Variants in BICRAL observed in about 807,000 individuals in gnomAD.
BICRAL encodes BRD4-interacting chromatin-remodeling complex-associated protein-like.
A neutral mutation model predicts 91.8 loss-of-function variants in BICRAL; 8 were observed. That is an observed-to-expected ratio of 0.09 (90% CI 0.05 to 0.16). The LOEUF (loss-of-function observed/expected upper bound fraction) is 0.16. Ranked by LOEUF, BICRAL falls within the 10% of genes least tolerant of loss-of-function variation. The probability of loss-of-function intolerance (pLI) is 1.00; values close to 1 mark genes in which losing one functional copy is unlikely to be tolerated. For synonymous variants in BICRAL, 445 were observed against 491.1 expected (o/e 0.91, Z 1.24); for missense variants, 1,038 against 1,310.9 (o/e 0.79, Z 3.21).
Position 42,852,383 on chromosome 6 carries a change from C to T in BICRAL, c.1945+186C>T, listed in dbSNP as rs533654068. The T allele has an allele frequency of 1.0e-3, 692 of 686,366 alleles. 1 individual carries two copies. In the African/African-American group the frequency reaches 0.01, roughly 10 times the overall value. The allele number at this position is 686,366 out of a possible 1,614,324, so 42.5% of individuals were successfully genotyped here. On this transcript the variant is annotated intron_variant, in intron 7 of 12. Coordinates refer to ENST00000314073, the MANE Select transcript of BICRAL (RefSeq NM_001393499.1). ...CATCAACTCTAAGATAGCATTGGGCCGGGCACGGTGGCTCACGCCTGTAAT... is the reference window on the plus strand; with the variant it reads ...CATCAACTCTAAGATAGCATTGGGCTGGGCACGGTGGCTCACGCCTGTAAT...
chr6:42,863,049 CTTT>C (rs34653827), intron 12 of BICRAL, among the ~76,000 whole-genome samples: 4 of 130,666 alleles, frequency 3.1e-5, no homozygotes, highest in Admixed American at 7.9e-5. Context: ...ATGGACATTT[CTTT>C]TTTTTTTTTT....
At chr6:42,851,045 C>T (rs773674678) in intron 6 of BICRAL, among the ~76,000 whole-genome samples, 11 of 151,252 alleles carry the variant, frequency 7.3e-5, no homozygotes, top group East Asian at 3.9e-4. Context: ...ATTAGCCGGA[C>T]GTGGTGGCAT....
At chr6:42,750,889 TTTTTTTTTTTTTTTTTTTTA>T (rs1377604434) in intron 1 of BICRAL, among the ~76,000 whole-genome samples, 2 of 66,278 alleles carry the variant, frequency 3.0e-5, no homozygotes, top group Admixed American at 2.0e-4. Flanking sequence ...TTTTTTTTTT[TTTTTTTTTTTTTTTTTTTTA>T]ATACTTTAAG....
At position 42,867,946 on chromosome 6, in the gene BICRAL, T is replaced by G. The variant is rs544495855; in HGVS notation, c.*2500T>G. On this transcript the variant is annotated 3_prime_UTR_variant, in exon 13 of 13. Coordinates refer to ENST00000314073, the MANE Select transcript of BICRAL (RefSeq NM_001393499.1). ...CTACGCACATGGGTCATAACTCGCATGTCGAGCCCCCTCTAGTGAAGGGTA... is the reference window on the plus strand; with the variant it reads ...CTACGCACATGGGTCATAACTCGCAGGTCGAGCCCCCTCTAGTGAAGGGTA... 6.6e-6 allele frequency: 1 copy of G among 152,624 alleles called. No homozygotes were observed. Among genetic ancestry groups the G allele is most frequent in the Non-Finnish European group, 1.5e-5 (1 of 68,034 alleles). 9.5% of individuals were successfully genotyped at this position (152,624 alleles called of 1,614,324 possible).
chr6:42,755,555 T>C (rs1482372503), intron 1 of BICRAL, among the ~76,000 whole-genome samples: 1 of 152,132 alleles, frequency 6.6e-6, no homozygotes, highest in South Asian at 2.1e-4. Context: ...TTCTAACTTA[T>C]CTGTGAAGAC....
chr6:42,855,817 C>A, intron 8 of BICRAL, 39 bp from the exon 9 acceptor site: 2 of 1,511,438 alleles, frequency 1.3e-6, no homozygotes, highest in Non-Finnish European at 9.2e-7. Flanking sequence ...ATTCTTTTTT[C>A]TATAAAAGGG....
At chr6:42,830,278 A>G in intron 6 of BICRAL, 106 bp downstream of exon 6, 1 of 1,258,506 alleles carries the variant, frequency 7.9e-7, no homozygotes, top group Non-Finnish European at 1.1e-6. Flanking sequence ...TTTCTTAAAA[A>G]TTTTAGGCCA....
intron 1 of BICRAL, among the ~76,000 whole-genome samples, chr6:42,807,437 C>T (rs960109971): frequency 2.0e-5 from 3 of 152,008 alleles, no homozygotes; most frequent in Non-Finnish European, 2.9e-5. Context: ...TCCGTCTCAG[C>T]CTCCCAAAGT....
chr6:42,792,177 TAATAAACACC>T (rs1562463884), intron 1 of BICRAL, among the ~76,000 whole-genome samples: 3 of 152,170 alleles, frequency 2.0e-5, no homozygotes, highest in African/African-American at 7.2e-5. Context: ...ACTGTGAACT[TAATAAACACC>T]ATACACTTAG....
intron 6 of BICRAL, among the ~76,000 whole-genome samples, chr6:42,837,299 C>CA (rs1194999756): frequency 6.6e-6 from 1 of 151,892 alleles, no homozygotes; most frequent in Non-Finnish European, 1.5e-5. Flanking sequence ...GTAACAAACA[C>CA]AAAAATATAA....
intron 7 of BICRAL, 104 bp downstream of exon 7, chr6:42,852,301 T>G: frequency 1.4e-6 from 1 of 738,184 alleles, no homozygotes. Flanking sequence ...TAATCTCGTC[T>G]CCACTCCGAT....
At chr6:42,782,725 G>T (rs1027232201) in intron 1 of BICRAL, among the ~76,000 whole-genome samples, 2 of 151,730 alleles carry the variant, frequency 1.3e-5, no homozygotes, top group African/African-American at 2.4e-5. Context: ...GAGTGTGAGT[G>T]TGTTTTCCGC....
At chr6:42,772,770 A>G (rs1762755952) in intron 1 of BICRAL, among the ~76,000 whole-genome samples, 1 of 152,142 alleles carries the variant, frequency 6.6e-6, no homozygotes, top group South Asian at 2.1e-4. Context: ...GAGGCCAAGC[A>G]ATAGGCGGAC....
At chr6:42,814,054 C>A (rs1582838577) in intron 2 of BICRAL, among the ~76,000 whole-genome samples, 2 of 151,948 alleles carry the variant, frequency 1.3e-5, no homozygotes, top group South Asian at 4.1e-4. Flanking sequence ...TTGAAGACTG[C>A]AACTATTCCG....
At chr6:42,746,642 G>A (rs1338310690), upstream of BICRAL, among the ~76,000 whole-genome samples, 1 of 151,736 alleles carries the variant, frequency 6.6e-6, no homozygotes, top group East Asian at 2.0e-4. Context: ...GCATGCCTCC[G>A]GTTTTTTCTT....
In BICRAL at chr6:42,829,913, C is replaced by G; in HGVS notation, c.1580C>G (p.Thr527Ser). ...SVSQGRPGFA[T>S]MPSVTSMSGP... ...TCCCAAGGAAGACCTGGCTTCGCCA[C>G]CATGCCATCGGTGACAAGCATGTCA... is the stretch of plus-strand genomic sequence containing the variant. The change falls in exon 6 of 13, where the codon ACC becomes AGC. Residue 527 changes from threonine to serine, a missense_variant. Physicochemically the swap from Thr to Ser is moderately conservative, Grantham distance 58 (BLOSUM62 1). Coordinates refer to ENST00000314073, the MANE Select transcript of BICRAL (RefSeq NM_001393499.1). The G allele has an allele frequency of 6.2e-7, 1 of 1,614,234 alleles. No homozygotes were observed. The highest frequency in any genetic ancestry group is 1.1e-5 in the South Asian group (1 of 91,090).
chr6:42,760,174 G>A lies in BICRAL; in HGVS notation c.-261+13151G>A, dbSNP rs568654285. ...GCAGGAGAATCACTGAACCTGGGAG[G>A]CGGAGGTTGCGGTGAGCTGAGGTTG... On this transcript the variant is annotated intron_variant, in intron 1 of 14. Transcript: ENST00000614467. Among the ~76,000 whole-genome samples, 19 of 152,144 alleles carry A rather than the reference G, an allele frequency of 1.2e-4. No individual in the cohort carries two copies. In the South Asian group the frequency reaches 3.7e-3, roughly 30 times the overall value.
At chr6:42,748,372 A>G (rs1269866953) in intron 1 of BICRAL, among the ~76,000 whole-genome samples, 1 of 152,106 alleles carries the variant, frequency 6.6e-6, no homozygotes, top group Non-Finnish European at 1.5e-5. Context: ...GGTTTATTGG[A>G]CTTGGAGGTT....
chr6:42,836,619 CTT>C (rs962446384), intron 6 of BICRAL, among the ~76,000 whole-genome samples: 9 of 125,334 alleles, frequency 7.2e-5, no homozygotes, highest in Admixed American at 1.6e-4. Flanking sequence ...TGTGTAGTTT[CTT>C]TTTTTTTTTT....
Sources: gnomAD v4.1 joint callset for allele counts (sites outside exome capture counted in the v4.1 genomes callset) on GRCh38, gnomAD v4.1.1 for gene constraint, MANE v1.5 for transcripts, NCBI Gene and HGNC (gene_info 2026-07-23, HGNC 2026-07-21) for gene names.